The following PRKCQ variants were observed in gnomAD, a reference collection of about 807,000 sequenced individuals.
The protein encoded by PRKCQ is protein kinase C theta type.
In PRKCQ, 41 loss-of-function variants were observed where a neutral mutation model predicts 91.2. The observed-to-expected ratio is 0.45, with a 90% CI of 0.35 to 0.58. The LOEUF is 0.58. Ranked by LOEUF, PRKCQ falls within the 20% of genes least tolerant of loss-of-function variation. The probability of loss-of-function intolerance (pLI) is 0.00; values close to 1 mark genes in which losing one functional copy is unlikely to be tolerated. For missense variants in PRKCQ, 673 were observed against 896.5 expected, an observed-to-expected ratio of 0.75 and a Z score of 3.18; for synonymous variants, 307 against 316.9, an observed-to-expected ratio of 0.97 and a Z score of 0.33.
chr10:6,507,336 T>C, intron 4 of PRKCQ, 100 bp downstream of exon 4: 1 of 1,210,280 alleles, frequency 8.3e-7, no homozygotes, highest in Non-Finnish European at 1.2e-6. Flanking sequence ...TCTTTTCTCC[T>C]GATTCTCTTC....
Position 6,549,414 on chromosome 10 carries a change from T to C in PRKCQ, c.-10+30797A>G, listed in dbSNP as rs541202727. On this transcript the variant is annotated intron_variant, in intron 1 of 17. Transcript: ENST00000263125. ...CAAGAAGTCTGGGCAAGATACTCAC[T>C]TGGGAAATTCAGAAACAGTCGACTT... Among the ~76,000 whole-genome samples the C allele has an allele frequency of 5.9e-5, 9 of 152,218 alleles. No homozygotes were observed. The East Asian group carries it at 1.5e-3, about 26-fold the overall frequency.
chr10:6,531,478 C>A (rs1272727913), intron 1 of PRKCQ, among the ~76,000 whole-genome samples: 2 of 151,292 alleles, frequency 1.3e-5, no homozygotes, highest in Non-Finnish European at 2.9e-5. Context: ...GCTAGTCCCC[C>A]AAGCACCCCC....
Position 6,524,117 on chromosome 10 carries a change from T to A in PRKCQ, c.-9-8973A>T, listed in dbSNP as rs552265953. Among the ~76,000 whole-genome samples the A allele has an allele frequency of 5.9e-5, 9 of 152,286 alleles. 1 individual carries two copies. Among genetic ancestry groups the A allele is most frequent in the Admixed American group, 5.9e-4 (9 of 15,300 alleles). ...CATCTCCACCCAAGCACAATTACCA[T>A]CTTTCAAAATCTTTCTCATGCTTCA... On this transcript the variant is annotated intron_variant, in intron 1 of 17. Transcript: ENST00000263125.
chr10:6,490,555 ACCTCT>A (rs1564346186), intron 8 of PRKCQ, among the ~76,000 whole-genome samples: 1 of 109,494 alleles, frequency 9.1e-6, no homozygotes. Flanking sequence ...GCAAGACCAT[ACCTCT>A]AAAAAAAAAA....
At position 6,515,151 on chromosome 10, in the gene PRKCQ, A is replaced by G. The variant is rs941744328; in HGVS notation, c.-9-7T>C. On this transcript the variant is annotated splice_region_variant and splice_polypyrimidine_tract_variant and intron_variant, in intron 1 of 17. Transcript: ENST00000263125. ...ATGGCGACATGGTTGCGCCCTGGAA[A>G]AAGACAAAAGACAAACGCTGTTTGG... 6 of 1,611,740 alleles carry G rather than the reference A, an allele frequency of 3.7e-6. No homozygotes were observed. The Admixed American group carries it at 5.1e-5, about 14-fold the overall frequency.
At chr10:6,475,920 T>G (rs1836243376) in intron 12 of PRKCQ, among the ~76,000 whole-genome samples, 2 of 152,230 alleles carry the variant, frequency 1.3e-5, no homozygotes, top group Non-Finnish European at 2.9e-5. Context: ...CTTGAGCCAG[T>G]CAGATTTACA....
At chr10:6,513,398 T>A (rs1443618190) in intron 2 of PRKCQ, among the ~76,000 whole-genome samples, 1 of 145,424 alleles carries the variant, frequency 6.9e-6, no homozygotes, top group South Asian at 2.1e-4. Flanking sequence ...TGACAAGGAC[T>A]CTCGATCCAC....
intron 1 of PRKCQ, among the ~76,000 whole-genome samples, chr10:6,553,670 A>G (rs1840296189): frequency 6.6e-6 from 1 of 151,698 alleles, no homozygotes; most frequent in Non-Finnish European, 1.5e-5. Context: ...ATCCTTGTAG[A>G]TACCTCCTTG....
intron 12 of PRKCQ, among the ~76,000 whole-genome samples, chr10:6,473,414 C>T (rs1023717670): frequency 6.6e-5 from 10 of 152,148 alleles, no homozygotes; most frequent in African/African-American, 1.9e-4. Flanking sequence ...TGTAAATTTG[C>T]TATAAAATCT....
At chr10:6,459,738 G>T (rs896662834) in intron 14 of PRKCQ, among the ~76,000 whole-genome samples, 1 of 152,220 alleles carries the variant, frequency 6.6e-6, no homozygotes, top group Admixed American at 6.5e-5. Flanking sequence ...GCCAAGGAAT[G>T]CCTGCAGCCA....
downstream of PRKCQ, among the ~76,000 whole-genome samples, chr10:6,426,886 C>A (rs1833137886): frequency 6.6e-6 from 1 of 152,218 alleles, no homozygotes; most frequent in African/African-American, 2.4e-5. Flanking sequence ...TAGGCCCCCG[C>A]CACCACGCCT....
intron 12 of PRKCQ, among the ~76,000 whole-genome samples, chr10:6,467,499 T>G (rs1360187784): frequency 6.6e-6 from 1 of 151,730 alleles, no homozygotes; most frequent in Non-Finnish European, 1.5e-5. Context: ...CACTTACTAG[T>G]CTAGACCTCA....
At chr10:6,475,698 C>T (rs1316507446) in intron 12 of PRKCQ, among the ~76,000 whole-genome samples, 2 of 152,234 alleles carry the variant, frequency 1.3e-5, no homozygotes, top group African/African-American at 4.8e-5. Context: ...TCATTCCCAA[C>T]ATGTTCCCAG....
intron 4 of PRKCQ, 120 bp from the exon 5 acceptor site, chr10:6,498,678 G>A (rs774897583): frequency 1.0e-4 from 93 of 891,978 alleles, no homozygotes; most frequent in Non-Finnish European, 1.5e-4. Flanking sequence ...CTGAGTACCT[G>A]CTGTAACATT....
At chr10:6,489,234 G>A (rs7910038) in intron 8 of PRKCQ, among the ~76,000 whole-genome samples, 2 of 151,868 alleles carry the variant, frequency 1.3e-5, no homozygotes, top group Non-Finnish European at 1.5e-5. Flanking sequence ...ATGCATCACC[G>A]TGACACCAAG....
intron 1 of PRKCQ, among the ~76,000 whole-genome samples, chr10:6,548,274 C>T (rs1840043874): frequency 6.6e-6 from 1 of 151,594 alleles, no homozygotes. Context: ...AACACTTTTA[C>T]ACTGTTGGTG....
intron 4 of PRKCQ, among the ~76,000 whole-genome samples, chr10:6,507,130 T>C (rs560246969): frequency 2.0e-5 from 3 of 152,222 alleles, no homozygotes; most frequent in Non-Finnish European, 2.9e-5. Context: ...TAACCACACA[T>C]CAACAGTCTT....
At chr10:6,446,803 A>G (rs1439433298) in intron 15 of PRKCQ, among the ~76,000 whole-genome samples, 1 of 152,220 alleles carries the variant, frequency 6.6e-6, no homozygotes. Context: ...TGACCCAAAG[A>G]ATCAGATGCA....
intron 3 of PRKCQ, among the ~76,000 whole-genome samples, chr10:6,509,365 C>T (rs749810444): frequency 2.6e-5 from 4 of 152,030 alleles, no homozygotes; most frequent in East Asian, 1.9e-4. Context: ...TGAATAGAAT[C>T]GTATTTTTAA....
Sources: allele counts gnomAD v4.1 joint callset (sites outside exome capture counted in the v4.1 genomes callset), GRCh38; gene constraint gnomAD v4.1.1; transcripts MANE v1.5; gene names NCBI Gene and HGNC (gene_info 2026-07-23, HGNC 2026-07-21).